NETO1: variants seen among roughly 807,000 people sequenced by gnomAD.
NETO1 encodes neuropilin and tolloid-like protein 1.
Under a neutral mutation model 61.3 loss-of-function variants are expected in NETO1, and 26 were observed. That is an observed-to-expected ratio of 0.42 (90% CI 0.31 to 0.59). The LOEUF is 0.59. NETO1 is among the 20% of genes least tolerant of loss of function. The probability of loss-of-function intolerance (pLI) is 0.12; values close to 1 mark genes in which losing one functional copy is unlikely to be tolerated. For synonymous variants in NETO1, 225 were observed against 225.8 expected (o/e 1.00, Z 0.03); for missense variants, 531 against 662.8 (o/e 0.80, Z 2.18).
At chr18:72,839,089 T>G (rs1212019123) in intron 4 of NETO1, among the ~76,000 whole-genome samples, 1 of 152,220 alleles carries the variant, frequency 6.6e-6, no homozygotes, top group East Asian at 1.9e-4. Context: ...AAATTTAAAC[T>G]GTTGCTTAAT....
intron 7 of NETO1, among the ~76,000 whole-genome samples, chr18:72,769,482 A>G (rs2071273381): frequency 6.6e-6 from 1 of 152,202 alleles, no homozygotes; most frequent in South Asian, 2.1e-4. Flanking sequence ...CAACATAGAA[A>G]ATAATGTACA....
intron 3 of NETO1, among the ~76,000 whole-genome samples, chr18:72,861,992 C>A (rs2074586271): frequency 6.6e-6 from 1 of 152,176 alleles, no homozygotes; most frequent in Non-Finnish European, 1.5e-5. Flanking sequence ...AGACCCCATC[C>A]ACTCTGGCTG....
At chr18:72,850,777 A>C (rs962314580) in intron 4 of NETO1, among the ~76,000 whole-genome samples, 6 of 152,112 alleles carry the variant, frequency 3.9e-5, no homozygotes, top group Non-Finnish European at 5.9e-5. Flanking sequence ...AAGTGATACA[A>C]TTTATCTTTA....
At chr18:72,812,322 C>A (rs1390576831) in intron 4 of NETO1, among the ~76,000 whole-genome samples, 1 of 152,230 alleles carries the variant, frequency 6.6e-6, no homozygotes, top group African/African-American at 2.4e-5. Flanking sequence ...AAAGAGGCAG[C>A]AGCTTCACTG....
chr18:72,756,678 C>A (rs945530706), intron 7 of NETO1, among the ~76,000 whole-genome samples: 3 of 151,882 alleles, frequency 2.0e-5, no homozygotes, highest in African/African-American at 7.3e-5. Context: ...TCCTGAACAA[C>A]ATAAAAAATA....
At chr18:72,862,389 C>T (rs974385941) in intron 3 of NETO1, among the ~76,000 whole-genome samples, 4 of 152,224 alleles carry the variant, frequency 2.6e-5, no homozygotes, top group South Asian at 2.1e-4. Context: ...CAGCACACAT[C>T]TATCTCTCCA....
chr18:72,785,979 A>G (rs2071902360), intron 6 of NETO1, among the ~76,000 whole-genome samples: 1 of 152,166 alleles, frequency 6.6e-6, no homozygotes, highest in South Asian at 2.1e-4. Context: ...TGTCCCTTCT[A>G]ATAAATTTGT....
Position 72,797,269 on chromosome 18 carries a change from T to C in NETO1, c.470-2865A>G, listed in dbSNP as rs1318443329. 3.3e-5 allele frequency among the ~76,000 whole-genome samples: 5 copies of C among 152,218 alleles called. No individual in the cohort carries two copies. In the East Asian group the frequency reaches 7.7e-4, roughly 23 times the overall value. ...TAACATTTGTCATTTTTATAACTCA[T>C]GCCAGGCAATGTAGAGAGAAATGCC... On this transcript the variant is annotated intron_variant, in intron 4 of 10. Coordinates refer to ENST00000327305, the MANE Select transcript of NETO1 (RefSeq NM_138966.5).
At chr18:72,804,724 A>G (rs778024404) in intron 4 of NETO1, among the ~76,000 whole-genome samples, 4 of 152,182 alleles carry the variant, frequency 2.6e-5, no homozygotes, top group Admixed American at 1.3e-4. Context: ...TGACCAGGTG[A>G]CACAACTATG....
At chr18:72,848,219 A>G (rs1309670112) in intron 4 of NETO1, among the ~76,000 whole-genome samples, 1 of 152,210 alleles carries the variant, frequency 6.6e-6, no homozygotes, top group African/African-American at 2.4e-5. Context: ...CTCAAAATGC[A>G]GACACCATTA....
chr18:72,867,275 C>G lies in NETO1; in HGVS notation c.17G>C (p.Ser6Thr), dbSNP rs1207042832. The G allele has an allele frequency of 6.4e-7, 1 of 1,569,960 alleles. No homozygotes were observed. Among genetic ancestry groups the G allele is most frequent in the Non-Finnish European group, 8.6e-7 (1 of 1,158,444 alleles). The stretch of plus-strand genomic sequence containing the variant: ...GGGAGGGTACTCACTGTGAAGCACG[C>G]TGCGCCCATGGATCATGTCTGTGCG... MIHGR[S>T]VLHIVASLII... Residue 6 changes from serine (S) to threonine (T), a missense_variant, in exon 1 of 11, where the codon AGC becomes ACC. Ser to Thr is a moderately conservative substitution (Grantham distance 58). Coordinates refer to ENST00000327305, the MANE Select transcript of NETO1 (RefSeq NM_138966.5).
chr18:72,853,964 C>T (rs144363116), intron 4 of NETO1, among the ~76,000 whole-genome samples: 6 of 152,060 alleles, frequency 3.9e-5, no homozygotes, highest in South Asian at 4.2e-4. Flanking sequence ...TATATATTCA[C>T]GTTTCTGATC....
chr18:72,841,267 C>G (rs2073921186), intron 4 of NETO1, among the ~76,000 whole-genome samples: 1 of 152,076 alleles, frequency 6.6e-6, no homozygotes, highest in Non-Finnish European at 1.5e-5. Flanking sequence ...TTTGTGTTTT[C>G]TGAGATGGCA....
intron 4 of NETO1, among the ~76,000 whole-genome samples, chr18:72,823,355 T>C (rs1176584390): frequency 6.6e-6 from 1 of 151,798 alleles, no homozygotes; most frequent in Non-Finnish European, 1.5e-5. Flanking sequence ...GTAGGAGAGG[T>C]GTGAAAGAGG....
chr18:72,845,311 C>T (rs1465716919), intron 4 of NETO1, among the ~76,000 whole-genome samples: 1 of 152,186 alleles, frequency 6.6e-6, no homozygotes, highest in African/African-American at 2.4e-5. Context: ...AAGTCGATTG[C>T]TGCTTCTCAA....
rs375800620 is a variant in NETO1 at position 72,862,856 on chromosome 18, G to A, written c.220+1952C>T. On this transcript the variant is annotated intron_variant, in intron 3 of 10. Transcript: ENST00000327305. Reference sequence around the variant, plus strand: ...AGGATGGTCTCGATCTCCTGACCTCGTGATCCGCCCACATCGGCCTCCTAA... The same window carrying A: ...AGGATGGTCTCGATCTCCTGACCTCATGATCCGCCCACATCGGCCTCCTAA... Among the ~76,000 whole-genome samples, 123 of 152,096 alleles carry A rather than the reference G, an allele frequency of 8.1e-4. 2 individuals are homozygous for A. The South Asian group carries it at 8.3e-3, about 10-fold the overall frequency.
intron 4 of NETO1, among the ~76,000 whole-genome samples, chr18:72,853,065 C>T (rs772407925): frequency 1.3e-5 from 2 of 151,926 alleles, no homozygotes; most frequent in Middle Eastern, 3.2e-3. Context: ...AAACTCCTGA[C>T]CTAAGGTGAT....
At position 72,848,527 on chromosome 18, in the gene NETO1, T is replaced by C. The variant is rs557266509; in HGVS notation, c.469+10299A>G. On this transcript the variant is annotated intron_variant, in intron 4 of 10. Transcript: ENST00000327305. ...ACACAATGGTAGGGCAGGCAAACAATAACATCTATGGATATTCCTGCTCAA... is the reference window on the plus strand; with the variant it reads ...ACACAATGGTAGGGCAGGCAAACAACAACATCTATGGATATTCCTGCTCAA... Among the ~76,000 whole-genome samples the C allele has an allele frequency of 3.9e-5, 6 of 152,262 alleles. No individual in the cohort carries two copies. The East Asian group carries it at 1.2e-3, about 29-fold the overall frequency.
intron 3 of NETO1, among the ~76,000 whole-genome samples, chr18:72,864,433 A>T (rs1369230482): frequency 6.6e-6 from 1 of 152,230 alleles, no homozygotes; most frequent in Non-Finnish European, 1.5e-5. Flanking sequence ...GAAATGTAAC[A>T]TGCAAGTTAT....
Sources: allele counts gnomAD v4.1 joint callset (sites outside exome capture counted in the v4.1 genomes callset), GRCh38; gene constraint gnomAD v4.1.1; transcripts MANE v1.5; gene names NCBI Gene and HGNC (gene_info 2026-07-23, HGNC 2026-07-21).